ANK2: variants seen among roughly 807,000 people sequenced by gnomAD.
ANK2 encodes the protein ankyrin-2.
Under a neutral mutation model 360.5 loss-of-function variants are expected in ANK2, and 83 were observed. The observed-to-expected ratio is 0.23, with a 90% CI of 0.19 to 0.28. The LOEUF is 0.28. Ranked by LOEUF, ANK2 falls within the 10% of genes least tolerant of loss-of-function variation. The probability of loss-of-function intolerance (pLI) is 1.00; values close to 1 mark genes in which losing one functional copy is unlikely to be tolerated. For missense variants in ANK2, 4,201 were observed against 4,795.7 expected (o/e 0.88, Z 3.66); for synonymous variants, 1,740 against 1,759.5 (o/e 0.99, Z 0.28).
intron 20 of ANK2, among the ~76,000 whole-genome samples, chr4:113,291,829 C>G (rs1024488209): frequency 6.6e-6 from 1 of 152,126 alleles, no homozygotes; most frequent in African/African-American, 2.4e-5. Flanking sequence ...ACTTAACTTT[C>G]TTATTTTCAG....
intron 34 of ANK2, 32 bp from the exon 35 acceptor site, chr4:113,345,868 T>C: frequency 6.2e-7 from 1 of 1,612,302 alleles, no homozygotes; most frequent in Non-Finnish European, 8.5e-7. Context: ...AAATCAAATG[T>C]GGGTGAAGCA....
intron 1 of ANK2, among the ~76,000 whole-genome samples, chr4:113,097,063 G>A (rs996817833): frequency 1.3e-5 from 2 of 150,238 alleles, no homozygotes; most frequent in South Asian, 2.1e-4. Flanking sequence ...TTTGGGCTAG[G>A]ATGTCTGTCA....
In ANK2 at chr4:113,383,047, T is replaced by C. The variant is rs1232074667; in HGVS notation, c.*1576T>C. The C allele has an allele frequency of 6.6e-6, 1 of 152,652 alleles. No homozygotes were observed. Among genetic ancestry groups the C allele is most frequent in the Non-Finnish European group, 1.5e-5 (1 of 68,046 alleles). The allele number at this position is 152,652 out of a possible 1,614,324, so 9.5% of individuals were successfully genotyped here. On this transcript the variant is annotated 3_prime_UTR_variant, in exon 46 of 46. Transcript: ENST00000357077. The stretch of plus-strand genomic sequence containing the variant: ...CACAAATATATTCATATAAACAGTA[T>C]ACATTTTGAATCAGTCATTTGTTAA...
intron 2 of ANK2, among the ~76,000 whole-genome samples, chr4:112,988,612 T>C (rs1342837056): frequency 6.6e-6 from 1 of 152,258 alleles, no homozygotes; most frequent in Non-Finnish European, 1.5e-5. Context: ...GAAATGGAAG[T>C]ATAACAGTGG....
At chr4:113,204,803 A>G (rs551152840) in intron 4 of ANK2, among the ~76,000 whole-genome samples, 23 of 152,286 alleles carry the variant, frequency 1.5e-4, no homozygotes, top group African/African-American at 5.5e-4. Flanking sequence ...AGATGCTGCT[A>G]TAACTAAGAG....
chr4:112,799,913 T>C, the ANK2 span, among the ~76,000 whole-genome samples: 2 of 148,358 alleles, frequency 1.3e-5, no homozygotes, highest in East Asian at 4.0e-4. Flanking sequence ...ATACAACACA[T>C]AACCTGTCTC....
At chr4:112,840,792 G>T (rs757578291) in intron 1 of ANK2, among the ~76,000 whole-genome samples, 5 of 152,150 alleles carry the variant, frequency 3.3e-5, no homozygotes, top group Non-Finnish European at 1.5e-5. Flanking sequence ...AGGAAACAGA[G>T]AAGTTAAGTA....
chr4:113,213,019 C>A (rs1267028745), intron 4 of ANK2, among the ~76,000 whole-genome samples: 2 of 152,168 alleles, frequency 1.3e-5, no homozygotes, highest in African/African-American at 4.8e-5. Flanking sequence ...ATTGTTAAAA[C>A]ACTTATAGTA....
At position 113,354,705 on chromosome 4, in the gene ANK2, A is replaced by G. The variant is rs1588934579; in HGVS notation, c.6087A>G (p.Val2029=). Residue 2029 remains valine (V), a synonymous_variant, in exon 38 of 46, where the codon GTA becomes GTG. Transcript: ENST00000357077. ...CACAAGAGAAAGGTAAAGTTCGGGT[A>G]GAAAAAGAAAAGGGGCCGATACTAA... The part of the protein sequence containing the change: ...KQPQEKGKVR[V]EKEKGPILTQ... The G allele has an allele frequency of 6.2e-7, 1 of 1,614,044 alleles. No homozygotes were observed. Among genetic ancestry groups the G allele is most frequent in the Non-Finnish European group, 8.5e-7 (1 of 1,179,992 alleles).
At chr4:113,035,715 G>A (rs937101958) in intron 2 of ANK2, among the ~76,000 whole-genome samples, 13 of 151,654 alleles carry the variant, frequency 8.6e-5, no homozygotes, top group Admixed American at 8.6e-4. Flanking sequence ...AAAACATGAA[G>A]GCAGGGAGAT....
intron 2 of ANK2, among the ~76,000 whole-genome samples, chr4:112,925,296 C>T (rs1236950520): frequency 6.6e-6 from 1 of 152,162 alleles, no homozygotes; most frequent in Non-Finnish European, 1.5e-5. Flanking sequence ...ATGCAAAAAA[C>T]ACCTAGATTA....
chr4:113,197,294 C>T (rs1053291990), intron 3 of ANK2, among the ~76,000 whole-genome samples: 3 of 152,136 alleles, frequency 2.0e-5, no homozygotes, highest in Admixed American at 1.3e-4. Context: ...AAGAAATGCA[C>T]GGGACGCTTG....
chr4:112,868,788 A>G (rs2071670266), intron 1 of ANK2, among the ~76,000 whole-genome samples: 1 of 152,200 alleles, frequency 6.6e-6, no homozygotes, highest in African/African-American at 2.4e-5. Context: ...TACATTGTAA[A>G]TGGTTAAATC....
chr4:113,348,426 G>C, intron 36 of ANK2, 118 bp downstream of exon 36: 1 of 1,081,202 alleles, frequency 9.2e-7, no homozygotes, highest in Middle Eastern at 2.0e-4. Flanking sequence ...GTAATTAAAG[G>C]GGCACAATTT....
At chr4:113,234,642 C>A (rs1029243788) in intron 5 of ANK2, among the ~76,000 whole-genome samples, 1 of 152,202 alleles carries the variant, frequency 6.6e-6, no homozygotes, top group East Asian at 1.9e-4. Context: ...GCCCATGTGT[C>A]AATATGCCTA....
intron 2 of ANK2, among the ~76,000 whole-genome samples, chr4:113,195,032 A>G (rs1322921078): frequency 1.3e-5 from 2 of 152,176 alleles, no homozygotes; most frequent in African/African-American, 4.8e-5. Context: ...TCCCCAAATT[A>G]TAATGTTAAA....
chr4:112,849,126 A>G (rs1187377342), intron 1 of ANK2, among the ~76,000 whole-genome samples: 1 of 152,230 alleles, frequency 6.6e-6, no homozygotes, highest in Non-Finnish European at 1.5e-5. Flanking sequence ...ACTGTCCCAA[A>G]AAAGTGACAT....
rs1198252206 is a variant in ANK2 at position 113,356,332 on chromosome 4, G to A, written c.7714G>A (p.Asp2572Asn). The A allele has an allele frequency of 6.2e-7, 1 of 1,614,028 alleles. No individual in the cohort carries two copies. Among genetic ancestry groups the A allele is most frequent in the South Asian group, 1.1e-5 (1 of 91,086 alleles). The change falls in exon 38 of 46, where the codon GAT becomes AAT. Residue 2572 changes from aspartate to asparagine, a missense_variant. Coordinates refer to ENST00000357077, the MANE Select transcript of ANK2 (RefSeq NM_001148.6). ...TGTGATTCATGAATGTGCAGAGGAG[G>A]ATGATTCAGAAAACGGGGAGAAAAA... ...PAVIHECAEE[D>N]DSENGEKKRF...
chr4:112,810,159 A>ATT, the ANK2 span, among the ~76,000 whole-genome samples: 49 of 35,778 alleles, frequency 1.4e-3, no homozygotes, highest in Non-Finnish European at 2.0e-3. Flanking sequence ...ATATATATAT[A>ATT]TTTTTTTTTT....
Sources: gnomAD v4.1 joint callset for allele counts (sites outside exome capture counted in the v4.1 genomes callset) on GRCh38, gnomAD v4.1.1 for gene constraint, MANE v1.5 for transcripts, NCBI Gene and HGNC (gene_info 2026-07-23, HGNC 2026-07-21) for gene names.